Variants in PIK3C2A observed in about 807,000 individuals in gnomAD.
PIK3C2A encodes the protein phosphatidylinositol 4-phosphate 3-kinase C2 domain-containing subunit alpha.
PIK3C2A carries 97 observed loss-of-function variants against 204.5 expected under a neutral mutation model. The ratio of observed to expected loss-of-function variants is 0.47; its 90% CI spans 0.40 to 0.56. The LOEUF is 0.56. Ranked by LOEUF, PIK3C2A falls within the 20% of genes least tolerant of loss-of-function variation. The pLI, the probability that PIK3C2A is intolerant of heterozygous loss-of-function variation, is 0.00. For missense variants in PIK3C2A, 1,735 were observed against 1,969.2 expected (o/e 0.88, Z 2.25); for synonymous variants, 653 against 664.4 (o/e 0.98, Z 0.26).
At position 17,091,339 on chromosome 11, in the gene PIK3C2A, C is replaced by A. The variant is rs1238261561; in HGVS notation, c.4873G>T (p.Glu1625Ter). 6.2e-7 allele frequency: 1 copy of A among 1,609,190 alleles called. No individual in the cohort carries two copies. Among genetic ancestry groups the A allele is most frequent in the Non-Finnish European group, 8.5e-7 (1 of 1,178,502 alleles). The change falls in exon 32 of 33, where the codon GAA becomes TAA. Residue 1625 changes from glutamate (E) to a stop codon, truncating the protein, a stop_gained. Transcript: ENST00000691414. LOFTEE classifies it high-confidence loss of function. ...SRKTRNPTFNEMLVYSGYSKE... is the reference protein window; with the variant it reads ...SRKTRNPTFN ...TAGAAATGATTTTAACTTACCATTT[C>A]ATTGAATGTCGGATTCCTCGTTTTT...
chr11:17,181,659 T>TACACACACACAC lies in PIK3C2A; in HGVS notation c.-65-11865_-65-11854dup, dbSNP rs71047535. Among the ~76,000 whole-genome samples, 232 of 112,994 alleles carry TACACACACACAC rather than the reference T, an allele frequency of 2.1e-3. 5 individuals are homozygous for TACACACACACAC. The highest frequency in any genetic ancestry group is 9.4e-3 in the African/African-American group (211 of 22,538). The allele number at this position is 112,994 out of a possible 152,430, so 74.1% of individuals were successfully genotyped here. A position where few individuals can be genotyped will look rare whatever the true frequency, so the allele number is the denominator to read the frequency against. On this transcript the variant is annotated intron_variant, in intron 1 of 32. Coordinates refer to ENST00000691414, the MANE Select transcript of PIK3C2A (RefSeq NM_002645.4). Reference sequence around the variant, plus strand: ...ATATATATATATATATATATATATATACACACACACACACACACACACACA... The same window carrying TACACACACACAC: ...ATATATATATATATATATATATATATACACACACACACACACACACACACACACACACACACA...
chr11:17,148,036 G>A (rs1310709696), intron 5 of PIK3C2A, among the ~76,000 whole-genome samples: 3 of 151,932 alleles, frequency 2.0e-5, no homozygotes, highest in African/African-American at 7.3e-5. Context: ...TGACCAACAG[G>A]CTGTATTGTG....
chr11:17,142,064 C>T (rs919768247), intron 8 of PIK3C2A, among the ~76,000 whole-genome samples: 1 of 151,742 alleles, frequency 6.6e-6, no homozygotes, highest in Non-Finnish European at 1.5e-5. Context: ...TTGCTCTGAA[C>T]CTAACATTGC....
chr11:17,109,028 T>C (rs567510992), intron 22 of PIK3C2A, among the ~76,000 whole-genome samples: 162 of 152,270 alleles, frequency 1.1e-3, no homozygotes, highest in African/African-American at 3.7e-3. Context: ...AAAAGAAATC[T>C]ATAGCTATCA....
intron 3 of PIK3C2A, among the ~76,000 whole-genome samples, chr11:17,153,337 A>G (rs1263269913): frequency 6.6e-6 from 1 of 151,968 alleles, no homozygotes; most frequent in Non-Finnish European, 1.5e-5. Context: ...AAGGAGGCTG[A>G]GGCAGGAGAA....
At chr11:17,107,949 G>T (rs1848881217) in intron 22 of PIK3C2A, among the ~76,000 whole-genome samples, 2 of 152,194 alleles carry the variant, frequency 1.3e-5, no homozygotes, top group African/African-American at 4.8e-5. Flanking sequence ...TGGGCTCACT[G>T]CAACCTCTGC....
chr11:17,146,545 T>C (rs747035685), intron 6 of PIK3C2A, among the ~76,000 whole-genome samples: 8 of 151,346 alleles, frequency 5.3e-5, no homozygotes, highest in Non-Finnish European at 1.0e-4. Flanking sequence ...AAAACCCGTC[T>C]CTACTAAAAA....
intron 11 of PIK3C2A, among the ~76,000 whole-genome samples, chr11:17,133,619 T>C (rs1369793625): frequency 6.6e-6 from 1 of 152,156 alleles, no homozygotes; most frequent in Non-Finnish European, 1.5e-5. Flanking sequence ...AGTTCATACA[T>C]TGATTTTCAA....
intron 15 of PIK3C2A, among the ~76,000 whole-genome samples, chr11:17,120,791 AG>A (rs1236670349): frequency 6.6e-6 from 1 of 152,200 alleles, no homozygotes; most frequent in Admixed American, 6.5e-5. Context: ...TAGTACATAC[AG>A]CTATAATCTC....
At chr11:17,193,879 A>G (rs369962826) in intron 1 of PIK3C2A, 2,624 of 119,294 alleles carry the variant, frequency 0.022, 3 homozygotes, top group Middle Eastern at 0.059. Context: ...AAAGAAAAGA[A>G]AAGAAAAGAA....
intron 1 of PIK3C2A, among the ~76,000 whole-genome samples, chr11:17,179,230 T>C (rs996231945): frequency 1.3e-5 from 2 of 152,100 alleles, no homozygotes; most frequent in Non-Finnish European, 2.9e-5. Context: ...GGCTCGATCA[T>C]AGCTCACCGT....
intron 8 of PIK3C2A, among the ~76,000 whole-genome samples, 159 bp downstream of exon 8, chr11:17,145,508 GA>G (rs1201240540): frequency 1.3e-5 from 2 of 152,054 alleles, no homozygotes; most frequent in Non-Finnish European, 2.9e-5. Context: ...CAGTCATGTT[GA>G]ACTGTAAGTC....
chr11:17,113,888 T>C (rs1183742286), intron 20 of PIK3C2A, among the ~76,000 whole-genome samples: 1 of 151,168 alleles, frequency 6.6e-6, no homozygotes, highest in African/African-American at 2.4e-5. Context: ...AAGACCAGCC[T>C]GGTCAACAAA....
intron 22 of PIK3C2A, among the ~76,000 whole-genome samples, chr11:17,106,297 A>T (rs1848813704): frequency 6.6e-6 from 1 of 151,772 alleles, no homozygotes; most frequent in Non-Finnish European, 1.5e-5. Flanking sequence ...CTGCAGTCCC[A>T]GCTACTTTGG....
intron 23 of PIK3C2A, among the ~76,000 whole-genome samples, chr11:17,103,404 C>A (rs1848706801): frequency 6.6e-6 from 1 of 152,098 alleles, no homozygotes; most frequent in South Asian, 2.1e-4. Flanking sequence ...CAGCAAGACA[C>A]ATACAATGAG....
intron 3 of PIK3C2A, among the ~76,000 whole-genome samples, chr11:17,150,905 T>C (rs977052880): frequency 6.6e-6 from 1 of 152,184 alleles, no homozygotes; most frequent in African/African-American, 2.4e-5. Flanking sequence ...TTATCAACAC[T>C]ACCCAAGCAC....
intron 3 of PIK3C2A, among the ~76,000 whole-genome samples, chr11:17,153,241 G>A (rs937824260): frequency 1.3e-5 from 2 of 152,028 alleles, no homozygotes; most frequent in African/African-American, 4.8e-5. Context: ...AGACCAGCTT[G>A]GCCAATGTAG....
At chr11:17,111,631 C>G (rs192356044) in intron 21 of PIK3C2A, among the ~76,000 whole-genome samples, 26 of 152,096 alleles carry the variant, frequency 1.7e-4, no homozygotes, top group Admixed American at 5.9e-4. Context: ...AATCCCAGCA[C>G]TTTGGGAGAC....
chr11:17,189,590 A>AT (rs2137546522), intron 1 of PIK3C2A, among the ~76,000 whole-genome samples: 1 of 131,698 alleles, frequency 7.6e-6, no homozygotes, highest in South Asian at 2.1e-4. Context: ...TTTTTAGTAT[A>AT]TTTTTAGTAT....
Sources: allele counts gnomAD v4.1 joint callset (sites outside exome capture counted in the v4.1 genomes callset), GRCh38; gene constraint gnomAD v4.1.1; transcripts MANE v1.5; gene names NCBI Gene and HGNC (gene_info 2026-07-23, HGNC 2026-07-21).